The following TFPI variants were observed in gnomAD, a reference collection of about 807,000 sequenced individuals.
TFPI encodes the protein tissue factor pathway inhibitor.
Under a neutral mutation model 34.6 loss-of-function variants are expected in TFPI, and 15 were observed. The observed-to-expected ratio is 0.43, with a 90% confidence interval of 0.29 to 0.67. The LOEUF (loss-of-function observed/expected upper bound fraction) is 0.67, where lower values mean the gene tolerates loss of function less well. TFPI is among the 30% of genes least tolerant of loss of function. The probability of loss-of-function intolerance (pLI) is 0.15; values close to 1 mark genes in which losing one functional copy is unlikely to be tolerated. For missense variants in TFPI, 301 were observed against 364.0 expected (o/e 0.83, Z 1.41); for synonymous variants, 105 against 120.1 (o/e 0.87, Z 0.82).
At chr2:187,533,723 A>T (rs180806212) in intron 1 of TFPI, among the ~76,000 whole-genome samples, 3 of 152,330 alleles carry the variant, frequency 2.0e-5, no homozygotes, top group Admixed American at 1.3e-4. Flanking sequence ...GAGTTTGATG[A>T]ATTGACAGAA....
intron 1 of TFPI, among the ~76,000 whole-genome samples, chr2:187,545,393 C>T (rs1688806391): frequency 6.6e-6 from 1 of 152,138 alleles, no homozygotes; most frequent in African/African-American, 2.4e-5. Flanking sequence ...GAGATGAGGT[C>T]ACACATTTAT....
At chr2:187,493,800 A>G (rs1048561947) in intron 3 of TFPI, among the ~76,000 whole-genome samples, 3 of 152,166 alleles carry the variant, frequency 2.0e-5, no homozygotes, top group African/African-American at 7.2e-5. Flanking sequence ...TCAACTTCCC[A>G]AAAAGTTCCT....
intron 1 of TFPI, among the ~76,000 whole-genome samples, chr2:187,535,037 A>T (rs1688172905): frequency 6.6e-6 from 1 of 152,224 alleles, no homozygotes; most frequent in South Asian, 2.1e-4. Flanking sequence ...AGAAGAGCTA[A>T]CAATCCTAAA....
intron 1 of TFPI, among the ~76,000 whole-genome samples, chr2:187,539,934 C>T (rs1016844352): frequency 6.7e-6 from 1 of 148,168 alleles, no homozygotes; most frequent in African/African-American, 2.5e-5. Flanking sequence ...GAGCCTCGCT[C>T]TGTCACCAGG....
chr2:187,494,598 G>A (rs983787341), intron 3 of TFPI, among the ~76,000 whole-genome samples: 6 of 152,108 alleles, frequency 3.9e-5, no homozygotes, highest in Admixed American at 1.3e-4. Flanking sequence ...ATCCATCATG[G>A]CTGCCGATTA....
At chr2:187,503,896 C>T (rs1686020702) in intron 1 of TFPI, 126 bp from the exon 2 acceptor site, 2 of 959,474 alleles carry the variant, frequency 2.1e-6, no homozygotes. Context: ...TATACACATA[C>T]ATTTCTCTGT....
intron 4 of TFPI, 113 bp from the exon 5 acceptor site, chr2:187,485,100 TA>T (rs1211574161): frequency 3.9e-6 from 3 of 774,788 alleles, no homozygotes; most frequent in Non-Finnish European, 5.4e-6. Context: ...GCATAAAAAT[TA>T]AAAAGTAAAA....
intron 1 of TFPI, among the ~76,000 whole-genome samples, chr2:187,543,796 G>T (rs544739662): frequency 9.9e-5 from 15 of 152,256 alleles, no homozygotes; most frequent in African/African-American, 3.4e-4. Flanking sequence ...GGGATGGGGT[G>T]ATTTTGAAAA....
chr2:187,477,925 G>A (rs1692491714), intron 6 of TFPI, among the ~76,000 whole-genome samples: 1 of 152,172 alleles, frequency 6.6e-6, no homozygotes, highest in South Asian at 2.1e-4. Context: ...CCTGGACCTG[G>A]AGGCTGGCAG....
chr2:187,472,902 C>CT (rs1692135367), intron 6 of TFPI, among the ~76,000 whole-genome samples: 1 of 151,978 alleles, frequency 6.6e-6, no homozygotes, highest in Non-Finnish European at 1.5e-5. Flanking sequence ...GTCCCAGCTA[C>CT]TAGGGAGGCT....
chr2:187,466,724 T>C lies in TFPI; in HGVS notation c.*212A>G, dbSNP rs557558241. The C allele has an allele frequency of 6.5e-4, 191 of 291,778 alleles. 4 individuals are homozygous for C. The South Asian group carries it at 9.3e-3, about 14-fold the overall frequency. 18.1% of individuals were successfully genotyped at this position (291,778 alleles called of 1,614,324 possible). Reference sequence around the variant, plus strand: ...ATCCAGAAAATAAGTAATTTCCCAGTAGCCAGTTAATAAATTACAGACCTA... The same window carrying C: ...ATCCAGAAAATAAGTAATTTCCCAGCAGCCAGTTAATAAATTACAGACCTA... On this transcript the variant is annotated 3_prime_UTR_variant, in exon 8 of 8. Transcript: ENST00000233156.
intron 4 of TFPI, among the ~76,000 whole-genome samples, chr2:187,486,132 G>A (rs758488338): frequency 9.2e-5 from 14 of 151,702 alleles, no homozygotes; most frequent in East Asian, 1.9e-4. Context: ...TAATTTGAAA[G>A]TTAACTTTGT....
intron 1 of TFPI, 88 bp downstream of exon 1, chr2:187,554,111 CT>C (rs1416372646): frequency 1.3e-5 from 2 of 152,036 alleles, no homozygotes; most frequent in African/African-American, 4.8e-5. Context: ...CCTATCAGTT[CT>C]TTGCCTCTCA....
In TFPI at chr2:187,465,612, G is replaced by A. The variant is rs971344840; in HGVS notation, c.*1324C>T. ...ATAAAGATTTGGAGACTGTTTAGAT[G>A]TGGTATATGAGGGAAAACAGGAAAT... is the stretch of plus-strand genomic sequence containing the variant. On this transcript the variant is annotated 3_prime_UTR_variant, in exon 8 of 8. Transcript: ENST00000233156. 2 of 146,466 alleles carry A rather than the reference G, an allele frequency of 1.4e-5. No individual in the cohort carries two copies. Among genetic ancestry groups the A allele is most frequent in the Non-Finnish European group, 3.0e-5 (2 of 66,992 alleles). 9.1% of individuals were successfully genotyped at this position (146,466 alleles called of 1,614,324 possible).
At chr2:187,532,770 C>T (rs1318678268) in intron 1 of TFPI, among the ~76,000 whole-genome samples, 1 of 152,090 alleles carries the variant, frequency 6.6e-6, no homozygotes, top group East Asian at 1.9e-4. Context: ...GCCAGGGAGG[C>T]AAGTGGTCTA....
chr2:187,483,975 A>G (rs1320804478), intron 6 of TFPI, 149 bp downstream of exon 6: 2 of 659,844 alleles, frequency 3.0e-6, no homozygotes, highest in Non-Finnish European at 5.1e-6. Flanking sequence ...GTCTTAAACA[A>G]TTTGAATCTC....
At chr2:187,478,243 C>T (rs1372542386) in intron 6 of TFPI, among the ~76,000 whole-genome samples, 1 of 152,044 alleles carries the variant, frequency 6.6e-6, no homozygotes, top group East Asian at 1.9e-4. Flanking sequence ...GCCTGTAATC[C>T]CAGCTACTCG....
At chr2:187,548,229 C>A (rs1178174642) in intron 1 of TFPI, among the ~76,000 whole-genome samples, 1 of 151,932 alleles carries the variant, frequency 6.6e-6, no homozygotes, top group Non-Finnish European at 1.5e-5. Context: ...AATATAAAGT[C>A]TTCTTTATTG....
chr2:187,469,049 G>A (rs1357136445), intron 6 of TFPI, among the ~76,000 whole-genome samples: 1 of 151,594 alleles, frequency 6.6e-6, no homozygotes, highest in Non-Finnish European at 1.5e-5. Context: ...CAGATGAACA[G>A]ACTGTAAAAG....
Sources: allele counts gnomAD v4.1 joint callset (sites outside exome capture counted in the v4.1 genomes callset), GRCh38; gene constraint gnomAD v4.1.1; transcripts MANE v1.5; gene names NCBI Gene and HGNC (gene_info 2026-07-23, HGNC 2026-07-21).